Variants in UNC79 observed in about 807,000 individuals in gnomAD.
UNC79 encodes the protein protein unc-79 homolog.
UNC79 carries 37 observed loss-of-function variants against 283.1 expected under a neutral mutation model. That is an observed-to-expected ratio of 0.13 (90% CI 0.10 to 0.17). The LOEUF (loss-of-function observed/expected upper bound fraction) is 0.17. UNC79 is among the 10% of genes least tolerant of loss of function. The pLI, the probability that UNC79 is intolerant of heterozygous loss-of-function variation, is 1.00. For missense variants in UNC79, 2,272 were observed against 3,211.1 expected (o/e 0.71, Z 7.07); for synonymous variants, 1,107 against 1,200.2 (o/e 0.92, Z 1.61).
chr14:93,550,861 C>A (rs999830940), intron 14 of UNC79, among the ~76,000 whole-genome samples: 1 of 151,964 alleles, frequency 6.6e-6, no homozygotes, highest in Non-Finnish European at 1.5e-5. Context: ...TGTTACAGAC[C>A]ACAGGCTCCT....
rs186107392 is a variant in UNC79, at chr14:93,487,837, A to G, written c.712+82A>G. 1.1e-5 allele frequency: 15 copies of G among 1,327,650 alleles called. No homozygotes were observed. In the East Asian group the frequency reaches 2.8e-4, roughly 25 times the overall value. The allele number at this position is 1,327,650 out of a possible 1,614,324, so 82.2% of individuals were successfully genotyped here. On this transcript the variant is annotated intron_variant, in intron 5 of 48. Transcript: ENST00000555664. ...TCAAACAAGCAGGCTAGATGTTCTC[A>G]TGTGAGAACGTCATCATCATAGAGA...
At chr14:93,524,878 G>T (rs1390367623) in intron 8 of UNC79, among the ~76,000 whole-genome samples, 2 of 152,108 alleles carry the variant, frequency 1.3e-5, no homozygotes, top group Non-Finnish European at 2.9e-5. Context: ...GTGTCCTGCG[G>T]GTTTGCTTCT....
chr14:93,378,521 A>G (rs797012159), intron 1 of UNC79, among the ~76,000 whole-genome samples: 19 of 152,300 alleles, frequency 1.2e-4, no homozygotes, highest in African/African-American at 4.6e-4. Flanking sequence ...CCATATACAT[A>G]ATGAGATATC....
intron 11 of UNC79, among the ~76,000 whole-genome samples, chr14:93,536,931 G>C (rs1378823098): frequency 1.3e-5 from 2 of 151,820 alleles, no homozygotes; most frequent in Non-Finnish European, 2.9e-5. Context: ...CCCTGGATTT[G>C]ATGTTTGCCT....
chr14:93,686,703 C>A, intron 43 of UNC79, 42 bp downstream of exon 46: 1 of 1,608,838 alleles, frequency 6.2e-7, no homozygotes, highest in Non-Finnish European at 8.5e-7. Context: ...GTTCACAAAA[C>A]AGAGATGCTT....
intron 1 of UNC79, 94 bp from the exon 2 acceptor site, chr14:93,467,577 G>A: frequency 8.6e-7 from 1 of 1,156,970 alleles, no homozygotes; most frequent in Non-Finnish European, 1.1e-6. Context: ...AAAAATGACT[G>A]TATGCCTAAT....
chr14:93,379,477 T>G lies in UNC79; in HGVS notation c.-351+45954T>G, dbSNP rs2054622392. Among the ~76,000 whole-genome samples, 3 of 152,296 alleles carry G rather than the reference T, an allele frequency of 2.0e-5. No homozygotes were observed. The South Asian group carries it at 6.2e-4, about 32-fold the overall frequency. ...GGTTTCATGACTTTAAGCCCAAGTA[T>G]CACCTTACATCCTGCAGACATTTAT... On this transcript the variant is annotated intron_variant, in intron 1 of 49. Coordinates refer to the UNC79 transcript ENST00000256339.
At chr14:93,593,158 G>A (rs2064816555) in intron 22 of UNC79, among the ~76,000 whole-genome samples, 1 of 152,192 alleles carries the variant, frequency 6.6e-6, no homozygotes, top group African/African-American at 2.4e-5. Flanking sequence ...TCAGGTTGTT[G>A]ACGTTCTTTG....
intron 45 of UNC79, chr14:93,691,372 A>G: frequency 3.4e-6 from 1 of 290,282 alleles, no homozygotes; most frequent in South Asian, 5.6e-5. Context: ...CATGCTTTGA[A>G]GAGACTACTA....
chr14:93,624,142 C>G (rs58246951), intron 30 of UNC79, among the ~76,000 whole-genome samples: 7,827 of 152,204 alleles, frequency 0.051, 658 homozygotes, highest in African/African-American at 0.18. Context: ...CACACAAAAG[C>G]CACTTCTAAG....
At chr14:93,491,866 AC>A (rs1336447259) in intron 5 of UNC79, among the ~76,000 whole-genome samples, 4 of 152,212 alleles carry the variant, frequency 2.6e-5, no homozygotes, top group African/African-American at 9.6e-5. Flanking sequence ...GCTACTGTAT[AC>A]TAGGAATCAT....
At chr14:93,599,237 A>G (rs2065312336) in intron 24 of UNC79, among the ~76,000 whole-genome samples, 2 of 152,102 alleles carry the variant, frequency 1.3e-5, no homozygotes, top group South Asian at 4.2e-4. Context: ...GTGTGTTCTC[A>G]TTTTATGGAT....
At chr14:93,559,241 G>T (rs900619766) in intron 14 of UNC79, among the ~76,000 whole-genome samples, 19 of 152,222 alleles carry the variant, frequency 1.2e-4, no homozygotes, top group Admixed American at 3.9e-4. Flanking sequence ...ACAGGTTGGC[G>T]CTTGCCTTAT....
At chr14:93,471,818 A>G (rs988021776) in intron 2 of UNC79, among the ~76,000 whole-genome samples, 1 of 152,036 alleles carries the variant, frequency 6.6e-6, no homozygotes, top group Non-Finnish European at 1.5e-5. Context: ...TCATGCTGAC[A>G]TTCTTCCCTC....
At chr14:93,399,179 A>G (rs2055056280) in intron 1 of UNC79, among the ~76,000 whole-genome samples, 1 of 152,084 alleles carries the variant, frequency 6.6e-6, no homozygotes, top group South Asian at 2.1e-4. Flanking sequence ...CATGAGGAAG[A>G]CTGCCCCCAT....
chr14:93,680,083 C>T (rs1316862758), intron 41 of UNC79, among the ~76,000 whole-genome samples: 4 of 152,116 alleles, frequency 2.6e-5, no homozygotes, highest in East Asian at 1.9e-4. Context: ...TTTAATATGC[C>T]GGATTCTCTG....
At chr14:93,339,662 CT>C (rs2053661764) in intron 1 of UNC79, among the ~76,000 whole-genome samples, 1 of 152,244 alleles carries the variant, frequency 6.6e-6, no homozygotes, top group Non-Finnish European at 1.5e-5. Context: ...GCATTTGCCT[CT>C]GAAGGCTCTG....
At chr14:93,389,279 C>G (rs1299931826) in intron 1 of UNC79, among the ~76,000 whole-genome samples, 2 of 152,154 alleles carry the variant, frequency 1.3e-5, no homozygotes, top group East Asian at 3.8e-4. Context: ...AAGTAAACTT[C>G]TACCTCTGAC....
chr14:93,354,771 G>T (rs1448113657), intron 1 of UNC79, among the ~76,000 whole-genome samples: 2 of 152,126 alleles, frequency 1.3e-5, no homozygotes, highest in Admixed American at 6.5e-5. Context: ...CAAAGTGCTG[G>T]GATTACAGGC....
Sources: gnomAD v4.1 joint callset for allele counts (sites outside exome capture counted in the v4.1 genomes callset) on GRCh38, gnomAD v4.1.1 for gene constraint, MANE v1.5 for transcripts, NCBI Gene and HGNC (gene_info 2026-07-23, HGNC 2026-07-21) for gene names.